The following CNBD1 variants were observed in gnomAD, a reference collection of about 807,000 sequenced individuals.
The protein encoded by CNBD1 is cyclic nucleotide-binding domain-containing protein 1.
CNBD1 carries 71 observed loss-of-function variants against 54.4 expected under a neutral mutation model. The observed-to-expected ratio is 1.30, with a 90% CI of 1.08 to 1.59. The LOEUF is 1.59. CNBD1 is among the 40% of genes most tolerant of loss of function. The pLI is 0.00. For synonymous variants in CNBD1, 182 were observed against 170.7 expected (o/e 1.07, Z -0.51); for missense variants, 659 against 518.0 (o/e 1.27, Z -2.64).
At chr8:87,190,822 A>G (rs1813585205) in intron 4 of CNBD1, among the ~76,000 whole-genome samples, 2 of 124,356 alleles carry the variant, frequency 1.6e-5, no homozygotes, top group African/African-American at 6.1e-5. Context: ...TACAGAACCA[A>G]TAGGAGGTAC....
At chr8:86,985,939 T>G (rs1036583359) in intron 4 of CNBD1, among the ~76,000 whole-genome samples, 1 of 152,104 alleles carries the variant, frequency 6.6e-6, no homozygotes, top group African/African-American at 2.4e-5. Context: ...TTGTTGCTTG[T>G]TTTTTCCTGA....
In CNBD1 at chr8:87,340,565, T is replaced by A. The variant is rs929684804; in HGVS notation, c.1043-11120T>A. On this transcript the variant is annotated intron_variant, in intron 8 of 10. Coordinates refer to ENST00000518476, the MANE Select transcript of CNBD1 (RefSeq NM_173538.3). ...TGGTCACCTTGATGATATCCATAAA[T>A]CATTTAATTTTTCTTCACTCTTTTA... Among the ~76,000 whole-genome samples, 9 of 152,244 alleles carry A rather than the reference T, an allele frequency of 5.9e-5. 1 individual carries two copies. The highest frequency in any genetic ancestry group is 3.4e-3 in the Middle Eastern group (1 of 294).
chr8:86,926,905 T>A (rs959602987), intron 3 of CNBD1, among the ~76,000 whole-genome samples: 7 of 152,008 alleles, frequency 4.6e-5, no homozygotes, highest in Admixed American at 3.9e-4. Flanking sequence ...TAAGTAGGGG[T>A]ATTAGTTTTA....
chr8:86,910,218 A>C (rs1189237512), intron 3 of CNBD1, among the ~76,000 whole-genome samples: 3 of 152,170 alleles, frequency 2.0e-5, no homozygotes, highest in African/African-American at 7.2e-5. Flanking sequence ...GGAGGATGGG[A>C]AAAGCCAGCC....
intron 4 of CNBD1, among the ~76,000 whole-genome samples, chr8:87,113,641 C>T (rs780972815): frequency 1.1e-4 from 17 of 152,018 alleles, no homozygotes; most frequent in Admixed American, 3.9e-4. Context: ...AATGATGGGC[C>T]GGGCACGGTG....
chr8:87,377,067 C>A (rs1329281562), intron 10 of CNBD1, among the ~76,000 whole-genome samples: 1 of 131,356 alleles, frequency 7.6e-6, no homozygotes, highest in East Asian at 2.3e-4. Flanking sequence ...ATTTTTATTT[C>A]TTTATTTTAT....
intron 8 of CNBD1, among the ~76,000 whole-genome samples, chr8:87,307,975 T>C (rs763390614): frequency 6.6e-6 from 1 of 152,128 alleles, no homozygotes; most frequent in Non-Finnish European, 1.5e-5. Flanking sequence ...GATTGTATTT[T>C]CCAATCCTTT....
chr8:87,116,513 G>T (rs1399708341), intron 4 of CNBD1, among the ~76,000 whole-genome samples: 2 of 151,934 alleles, frequency 1.3e-5, no homozygotes, highest in Admixed American at 1.3e-4. Context: ...TGCACCTGGT[G>T]CTCATGTCTT....
chr8:87,148,428 G>A (rs1188935037), intron 4 of CNBD1, among the ~76,000 whole-genome samples: 1 of 152,116 alleles, frequency 6.6e-6, no homozygotes, highest in Non-Finnish European at 1.5e-5. Flanking sequence ...TATGAAGTAG[G>A]TTTATTAATA....
chr8:87,399,275 T>C (rs1483268006), intron 2 of CNBD1, among the ~76,000 whole-genome samples: 2 of 152,018 alleles, frequency 1.3e-5, no homozygotes, highest in African/African-American at 4.8e-5. Context: ...TATGTGCTTG[T>C]CGTGAGGATA....
chr8:87,271,511 C>T (rs570042349), intron 6 of CNBD1, among the ~76,000 whole-genome samples: 11 of 151,900 alleles, frequency 7.2e-5, no homozygotes, highest in African/African-American at 2.4e-4. Context: ...ACCTATTGGT[C>T]ATTCAGGAGA....
At chr8:87,250,224 T>G (rs920622565) in intron 6 of CNBD1, among the ~76,000 whole-genome samples, 1 of 152,134 alleles carries the variant, frequency 6.6e-6, no homozygotes, top group African/African-American at 2.4e-5. Context: ...TATGAAAGAA[T>G]GCTCAACATA....
chr8:86,907,728 C>A (rs1178629232), intron 3 of CNBD1, among the ~76,000 whole-genome samples: 1 of 151,640 alleles, frequency 6.6e-6, no homozygotes, highest in Non-Finnish European at 1.5e-5. Flanking sequence ...ATAGAATTTC[C>A]TAAAGTATAT....
intron 4 of CNBD1, among the ~76,000 whole-genome samples, chr8:87,137,017 TTATA>T (rs1554559021): frequency 5.3e-5 from 2 of 37,852 alleles, no homozygotes; most frequent in African/African-American, 1.3e-4. Flanking sequence ...TCTATGTAAA[TTATA>T]TATATTATAT....
At chr8:86,875,548 A>C (rs1325764338) in intron 1 of CNBD1, among the ~76,000 whole-genome samples, 1 of 152,234 alleles carries the variant, frequency 6.6e-6, no homozygotes, top group Non-Finnish European at 1.5e-5. Context: ...AATAATAGCA[A>C]ACACTGATTT....
intron 10 of CNBD1, among the ~76,000 whole-genome samples, chr8:87,373,410 C>A (rs1429033166): frequency 6.6e-6 from 1 of 151,808 alleles, no homozygotes; most frequent in Non-Finnish European, 1.5e-5. Context: ...TTATCACAAA[C>A]CCTTGCTGCA....
intron 2 of CNBD1, among the ~76,000 whole-genome samples, chr8:87,393,995 C>T (rs994746232): frequency 1.3e-5 from 2 of 151,748 alleles, no homozygotes; most frequent in Admixed American, 1.3e-4. Context: ...AATGACCAGT[C>T]TGAATGGAGA....
At chr8:87,408,011 A>G (rs905015022) in intron 2 of CNBD1, among the ~76,000 whole-genome samples, 3 of 151,994 alleles carry the variant, frequency 2.0e-5, no homozygotes, top group Non-Finnish European at 4.4e-5. Context: ...TTTTATGAAT[A>G]GTATCTTTTT....
intron 8 of CNBD1, among the ~76,000 whole-genome samples, chr8:87,289,806 C>G (rs974627131): frequency 2.0e-5 from 3 of 152,144 alleles, no homozygotes; most frequent in African/African-American, 7.2e-5. Flanking sequence ...TCAATCTCTT[C>G]CAGTTCAATT....
Sources: gnomAD v4.1 joint callset for allele counts (sites outside exome capture counted in the v4.1 genomes callset) on GRCh38, gnomAD v4.1.1 for gene constraint, MANE v1.5 for transcripts, NCBI Gene and HGNC (gene_info 2026-07-23, HGNC 2026-07-21) for gene names.